SV2C: variants seen among roughly 807,000 people sequenced by gnomAD.
The protein encoded by SV2C is solute carrier family 22 member B3.
Under a neutral mutation model 79.7 loss-of-function variants are expected in SV2C, and 49 were observed. The observed-to-expected ratio is 0.61, with a 90% CI of 0.49 to 0.78. The LOEUF is 0.78. Among genes scored for constraint, SV2C ranks in the 30% least tolerant of loss-of-function variants. The probability of loss-of-function intolerance (pLI) is 0.00; values close to 1 mark genes in which losing one functional copy is unlikely to be tolerated. For missense variants in SV2C, 833 were observed against 912.9 expected (o/e 0.91, Z 1.13); for synonymous variants, 334 against 333.2 (o/e 1.00, Z -0.03).
chr5:76,188,701 T>C (rs1195966482), intron 2 of SV2C, among the ~76,000 whole-genome samples: 1 of 152,210 alleles, frequency 6.6e-6, no homozygotes, highest in African/African-American at 2.4e-5. Context: ...CATGCTATCA[T>C]TTCTAATCAG....
intron 2 of SV2C, among the ~76,000 whole-genome samples, chr5:76,137,299 C>A (rs982638747): frequency 7.2e-5 from 11 of 152,172 alleles, no homozygotes; most frequent in African/African-American, 2.2e-4. Context: ...AAATCCCTAA[C>A]TGTATCAGTT....
At chr5:76,219,888 T>C (rs1251852598) in intron 4 of SV2C, among the ~76,000 whole-genome samples, 1 of 152,240 alleles carries the variant, frequency 6.6e-6, no homozygotes, top group African/African-American at 2.4e-5. Flanking sequence ...GAAAAGGAAG[T>C]GATGTCAGGC....
chr5:76,009,450 C>A, the SV2C span, among the ~76,000 whole-genome samples: 13 of 152,190 alleles, frequency 8.5e-5, no homozygotes, highest in Non-Finnish European at 1.8e-4. Context: ...ATCAAAAAGA[C>A]ACACACACTT....
the SV2C span, among the ~76,000 whole-genome samples, chr5:75,873,812 G>A: frequency 6.6e-6 from 1 of 152,016 alleles, no homozygotes; most frequent in Non-Finnish European, 1.5e-5. Context: ...AGAAAGAGAC[G>A]GACAAATTCC....
At chr5:76,066,565 T>A in the SV2C span, among the ~76,000 whole-genome samples, 1 of 151,374 alleles carries the variant, frequency 6.6e-6, no homozygotes, top group Non-Finnish European at 1.5e-5. Context: ...GTAACAAACC[T>A]GCACGTTGTG....
chr5:76,233,925 C>T (rs990871019), intron 4 of SV2C, among the ~76,000 whole-genome samples: 18 of 151,988 alleles, frequency 1.2e-4, no homozygotes, highest in Non-Finnish European at 2.4e-4. Context: ...TCTCTGAGCT[C>T]ATGGCTGATT....
the SV2C span, among the ~76,000 whole-genome samples, chr5:75,921,837 C>G: frequency 2.6e-5 from 4 of 151,120 alleles, no homozygotes; most frequent in Non-Finnish European, 5.9e-5. Context: ...TTTTTTAAGC[C>G]TGTAAAGTCT....
Position 76,329,478 on chromosome 5 carries a change from G to A in SV2C, c.*3931G>A, listed in dbSNP as rs1182675155. 1.3e-5 allele frequency: 2 copies of A among 152,120 alleles called. No homozygotes were observed. The highest frequency in any genetic ancestry group is 2.9e-5 in the Non-Finnish European group (2 of 68,032). 9.4% of individuals were successfully genotyped at this position (152,120 alleles called of 1,614,324 possible). ...CAAATCTCACCAAATCAGAGTTCAG[G>A]TTTTCACCAAAAACTGCTTAGTTGT... On this transcript the variant is annotated 3_prime_UTR_variant, in exon 13 of 13. Transcript: ENST00000502798.
chr5:75,919,220 C>G, the SV2C span, among the ~76,000 whole-genome samples: 7 of 152,230 alleles, frequency 4.6e-5, no homozygotes, highest in Non-Finnish European at 7.3e-5. Context: ...TCCAGATTGT[C>G]TAGAGCAAGA....
At chr5:76,069,419 G>T in the SV2C span, among the ~76,000 whole-genome samples, 1 of 152,252 alleles carries the variant, frequency 6.6e-6, no homozygotes, top group South Asian at 2.1e-4. Flanking sequence ...TTTCAGTCAA[G>T]CCTCTGACAT....
chr5:76,312,458 G>A (rs1748481410), intron 12 of SV2C, among the ~76,000 whole-genome samples: 1 of 152,070 alleles, frequency 6.6e-6, no homozygotes, highest in South Asian at 2.1e-4. Flanking sequence ...TCACCGTGTT[G>A]GCCAGGCTGG....
chr5:76,236,364 G>A (rs577375167), intron 4 of SV2C, among the ~76,000 whole-genome samples: 17 of 152,092 alleles, frequency 1.1e-4, no homozygotes, highest in Admixed American at 1.0e-3. Flanking sequence ...GGAGTTGAAG[G>A]CCAGCCTGGT....
chr5:76,076,745 C>T, the SV2C span, among the ~76,000 whole-genome samples: 1 of 152,298 alleles, frequency 6.6e-6, no homozygotes, highest in South Asian at 2.1e-4. Flanking sequence ...ACCTCTACTG[C>T]ATAGCCACAT....
chr5:75,900,788 T>G, the SV2C span, among the ~76,000 whole-genome samples: 3,204 of 152,258 alleles, frequency 0.021, 113 homozygotes, highest in African/African-American at 0.071. Flanking sequence ...TCATTTCTTT[T>G]TATTCTTTTT....
chr5:76,167,252 C>T (rs1743073767), intron 2 of SV2C, among the ~76,000 whole-genome samples: 1 of 152,206 alleles, frequency 6.6e-6, no homozygotes, highest in South Asian at 2.1e-4. Flanking sequence ...GTTCTATTGA[C>T]AAATTAACTT....
chr5:76,261,314 G>A (rs1746459507), intron 4 of SV2C, among the ~76,000 whole-genome samples: 1 of 152,188 alleles, frequency 6.6e-6, no homozygotes, highest in African/African-American at 2.4e-5. Context: ...CTTTGCTGAA[G>A]TCATTTATCA....
the SV2C span, among the ~76,000 whole-genome samples, chr5:75,854,788 A>G: frequency 6.6e-6 from 1 of 152,132 alleles, no homozygotes; most frequent in African/African-American, 2.4e-5. Context: ...TGGTTACTCA[A>G]AGTGGCAAGG....
chr5:76,078,906 C>T (rs1746930592), upstream of SV2C: 3 of 557,114 alleles, frequency 5.4e-6, no homozygotes, highest in Admixed American at 2.0e-5. Context: ...ACAATGATGA[C>T]TTGCAGGGCA....
chr5:76,199,627 C>T (rs1419228023), intron 3 of SV2C, among the ~76,000 whole-genome samples: 4 of 152,204 alleles, frequency 2.6e-5, no homozygotes, highest in Non-Finnish European at 5.9e-5. Context: ...ATTGCTTAAT[C>T]GCCCATGGCA....
Sources: allele counts gnomAD v4.1 joint callset (sites outside exome capture counted in the v4.1 genomes callset), GRCh38; gene constraint gnomAD v4.1.1; transcripts MANE v1.5; gene names NCBI Gene and HGNC (gene_info 2026-07-23, HGNC 2026-07-21).